The following ERCC3 variants were observed in gnomAD, a reference collection of about 807,000 sequenced individuals.
ERCC3 encodes ERCC excision repair 3, TFIIH core complex helicase subunit.
Under a neutral mutation model 94.2 loss-of-function variants are expected in ERCC3, and 66 were observed. That is an observed-to-expected ratio of 0.70 (90% CI 0.57 to 0.86). The LOEUF (loss-of-function observed/expected upper bound fraction) is 0.86. Among genes scored for constraint, ERCC3 ranks in the 40% least tolerant of loss-of-function variants. The pLI is 0.00. For synonymous variants in ERCC3, 349 were observed against 369.1 expected (o/e 0.95, Z 0.63); for missense variants, 829 against 987.1 (o/e 0.84, Z 2.15).
At chr2:127,261,935 TA>T in intron 12 of ERCC3, 3 of 165,678 alleles carry the variant, frequency 1.8e-5, no homozygotes, top group African/African-American at 7.2e-5. Flanking sequence ...ATCAAAATGT[TA>T]AACACACTGT....
chr2:127,276,845 C>T lies in ERCC3; in HGVS notation c.1730+2328G>A, dbSNP rs552892272. Among the ~76,000 whole-genome samples, 10 of 152,238 alleles carry T rather than the reference C, an allele frequency of 6.6e-5. No individual in the cohort carries two copies. The East Asian group carries it at 1.7e-3, about 26-fold the overall frequency. ...CTACCAGTTTTCAAGGGAAGGAAAA[C>T]GCACAGCCACCACAGCAGACAACAC... On this transcript the variant is annotated intron_variant, in intron 10 of 14. Transcript: ENST00000285398.
intron 8 of ERCC3, 60 bp downstream of exon 8, chr2:127,286,643 A>AG: frequency 6.5e-7 from 1 of 1,545,852 alleles, no homozygotes; most frequent in Admixed American, 1.7e-5. Context: ...TTCCCAACCT[A>AG]ACAACTGGAA....
In ERCC3 at chr2:127,291,681, G is replaced by A. The variant is rs1053165802; in HGVS notation, c.471+929C>T. On this transcript the variant is annotated intron_variant, in intron 3 of 14. Transcript: ENST00000285398. The surrounding 1 kb of genome is among the most constrained non-coding windows in gnomAD (Gnocchi z 4.9). ...ACTCTTCTGCCACTCCAGATCCCAA[G>A]GTCTGAATCTGACTCCTTTTGGATC... 1.3e-5 allele frequency among the ~76,000 whole-genome samples: 2 copies of A among 152,180 alleles called. No individual in the cohort carries two copies. Among genetic ancestry groups the A allele is most frequent in the African/African-American group, 4.8e-5 (2 of 41,444 alleles).
chr2:127,286,118 G>GT (rs528876377), intron 8 of ERCC3, among the ~76,000 whole-genome samples: 71 of 152,246 alleles, frequency 4.7e-4, no homozygotes, highest in Admixed American at 1.0e-3. Context: ...TCCTAACCCA[G>GT]TTTTTAGAGG....
chr2:127,292,664 GT>G lies in ERCC3; in HGVS notation c.416del (p.Tyr139SerfsTer32), dbSNP rs1311399987. The G allele has an allele frequency of 6.2e-7, 1 of 1,614,050 alleles. No individual in the cohort carries two copies. Among genetic ancestry groups the G allele is most frequent in the Non-Finnish European group, 8.5e-7 (1 of 1,180,026 alleles). ...CTCCAGTCTTGCTGAGCTTCCTGAG[GT>G]ACTCGGTGATGTCACTGGTTTGCAG... ...VGLQTSDITE[Y>X]LRKLSKTGVP... On this transcript the variant is annotated frameshift_variant, in exon 3 of 15. Transcript: ENST00000285398. LOFTEE classifies it high-confidence loss of function.
At position 127,291,582 on chromosome 2, in the gene ERCC3, G is replaced by T. The variant is rs1465799270; in HGVS notation, c.471+1028C>A. Among the ~76,000 whole-genome samples the T allele has an allele frequency of 3.9e-5, 6 of 152,170 alleles. No individual in the cohort carries two copies. Among genetic ancestry groups the T allele is most frequent in the Admixed American group, 3.3e-4 (5 of 15,278 alleles). On this transcript the variant is annotated intron_variant, in intron 3 of 14. Transcript: ENST00000285398. This position sits in a 1 kb window ranked among gnomAD's most constrained non-coding sequence, Gnocchi z 4.9. Reference sequence around the variant, plus strand: ...GGCCGGGCACGCTTTCACATCACAGGAAAAGAGAGTTCTCTCCAGGACTCC... The same window carrying T: ...GGCCGGGCACGCTTTCACATCACAGTAAAAGAGAGTTCTCTCCAGGACTCC...
At chr2:127,272,150 G>A (rs2104749226) in intron 11 of ERCC3, among the ~76,000 whole-genome samples, 1 of 150,772 alleles carries the variant, frequency 6.6e-6, no homozygotes, top group South Asian at 2.1e-4. Flanking sequence ...TCAGCCTCCT[G>A]AGTAGTTGGG....
chr2:127,261,699 A>G, intron 12 of ERCC3: 1 of 327,174 alleles, frequency 3.1e-6, no homozygotes, highest in Non-Finnish European at 5.9e-6. Context: ...CAATATAAAA[A>G]TAGCCAGTAA....
intron 8 of ERCC3, among the ~76,000 whole-genome samples, chr2:127,283,255 A>T (rs971948279): frequency 7.9e-5 from 12 of 152,070 alleles, no homozygotes; most frequent in African/African-American, 2.9e-4. Flanking sequence ...TCTCCTTTAG[A>T]GTCATCCATC....
Position 127,280,111 on chromosome 2 carries a change from G to C in ERCC3, c.1527+336C>G, listed in dbSNP as rs1205844421. Among the ~76,000 whole-genome samples the C allele has an allele frequency of 1.3e-5, 2 of 152,228 alleles. No individual in the cohort carries two copies. The highest frequency in any genetic ancestry group is 2.9e-5 in the Non-Finnish European group (2 of 68,046). On this transcript the variant is annotated intron_variant, in intron 9 of 14. Coordinates refer to ENST00000285398, the MANE Select transcript of ERCC3 (RefSeq NM_000122.2). The surrounding 1 kb of genome is among the most constrained non-coding windows in gnomAD (Gnocchi z 6.3). ...ATCAGAGCAAAGCCCTTTGCTGCCA[G>C]GCTCCCAGGCAGCACTGTGGTATCA...
chr2:127,277,242 G>A lies in ERCC3; in HGVS notation c.1730+1931C>T, dbSNP rs574042417. Among the ~76,000 whole-genome samples, 3 of 151,918 alleles carry A rather than the reference G, an allele frequency of 2.0e-5. No individual in the cohort carries two copies. The East Asian group carries it at 5.8e-4, about 29-fold the overall frequency. ...GGAGTGCTGGTGGGGATCCCACTGG[G>A]GAAACAGAAAAACAGAACTGAGAAA... is the stretch of plus-strand genomic sequence containing the variant. On this transcript the variant is annotated intron_variant, in intron 10 of 14. Transcript: ENST00000285398. This position sits in a 1 kb window ranked among gnomAD's most constrained non-coding sequence, Gnocchi z 5.1.
intron 12 of ERCC3, among the ~76,000 whole-genome samples, chr2:127,268,199 T>G (rs1309217251): frequency 6.6e-6 from 1 of 152,028 alleles, no homozygotes; most frequent in Non-Finnish European, 1.5e-5. Context: ...GGTGATCCAC[T>G]CACCTCAGCC....
chr2:127,273,749 CAA>C (rs398039596), intron 10 of ERCC3, among the ~76,000 whole-genome samples: 88 of 40,096 alleles, frequency 2.2e-3, no homozygotes, highest in African/African-American at 7.4e-3. Flanking sequence ...AACTCTGTCT[CAA>C]AAAAAAAAAA....
chr2:127,266,147 G>C (rs1684354449), intron 12 of ERCC3, among the ~76,000 whole-genome samples: 1 of 148,714 alleles, frequency 6.7e-6, no homozygotes, highest in African/African-American at 2.5e-5. Flanking sequence ...GAATGGTCTT[G>C]AACTCCTGAG....
intron 1 of ERCC3, 40 bp from the exon 2 acceptor site, chr2:127,293,758 T>C (rs766301699): frequency 6.2e-7 from 1 of 1,605,484 alleles, no homozygotes; most frequent in Admixed American, 1.7e-5. Flanking sequence ...AGCAGGAGCC[T>C]TCAGGGTTCC....
At chr2:127,292,357 C>T (rs1685300561) in intron 3 of ERCC3, 1 of 573,214 alleles carries the variant, frequency 1.7e-6, no homozygotes, top group African/African-American at 1.8e-5. Flanking sequence ...CTGGGAGCGG[C>T]TCATGAGAAG....
intron 10 of ERCC3, among the ~76,000 whole-genome samples, chr2:127,276,811 G>A (rs1684747777): frequency 6.6e-6 from 1 of 152,080 alleles, no homozygotes; most frequent in Non-Finnish European, 1.5e-5. Flanking sequence ...TCCAAAAAGA[G>A]AGAAGATCCT....
chr2:127,276,015 G>C (rs1467222710), intron 10 of ERCC3, among the ~76,000 whole-genome samples: 3 of 152,210 alleles, frequency 2.0e-5, no homozygotes, highest in Non-Finnish European at 4.4e-5. Flanking sequence ...GTGAGGAGCA[G>C]TTGGGTCCGG....
rs552139096 is a variant in ERCC3 at position 127,294,133 on chromosome 2, G to C, written c.-52C>G. The C allele has an allele frequency of 3.1e-6, 5 of 1,592,994 alleles. No individual in the cohort carries two copies. The highest frequency in any genetic ancestry group is 4.3e-6 in the Non-Finnish European group (5 of 1,172,792). Reference sequence around the variant, plus strand: ...GACCCCGCTCCCACAGGCCCGCCGCGGCATCCGCTCTGGGGGGACTTCCGG... The same window carrying C: ...GACCCCGCTCCCACAGGCCCGCCGCCGCATCCGCTCTGGGGGGACTTCCGG... On this transcript the variant is annotated 5_prime_UTR_variant, in exon 1 of 15. Transcript: ENST00000285398.
Sources: gnomAD v4.1 joint callset for allele counts (sites outside exome capture counted in the v4.1 genomes callset) on GRCh38, gnomAD v4.1.1 for gene constraint, Gnocchi (gnomAD v3.1) non-coding constraint, MANE v1.5 for transcripts, NCBI Gene and HGNC (gene_info 2026-07-23, HGNC 2026-07-21) for gene names.